ELOVL5: variants seen among roughly 807,000 people sequenced by gnomAD.
ELOVL5 encodes very long chain fatty acid elongase 5.
A neutral mutation model predicts 38.6 loss-of-function variants in ELOVL5; 8 were observed. That is an observed-to-expected ratio of 0.21 (90% CI 0.12 to 0.37). The LOEUF is 0.37. ELOVL5 is among the 10% of genes least tolerant of loss of function. The pLI is 1.00. For synonymous variants in ELOVL5, 127 were observed against 133.7 expected (o/e 0.95, Z 0.34); for missense variants, 280 against 367.8 (o/e 0.76, Z 1.95).
chr6:53,312,049 A>G (rs1429234609), intron 1 of ELOVL5, among the ~76,000 whole-genome samples: 3 of 152,316 alleles, frequency 2.0e-5, no homozygotes, highest in Admixed American at 1.3e-4. Flanking sequence ...TTGTAACAAA[A>G]ACTGAAAGGT....
chr6:53,291,682 C>T (rs1766779767), intron 3 of ELOVL5, 94 bp downstream of exon 3: 1 of 1,017,026 alleles, frequency 9.8e-7, no homozygotes, highest in Admixed American at 2.5e-5. Flanking sequence ...CTCTACACCC[C>T]AAGCGGCCAC....
chr6:53,317,452 T>C (rs914926697), intron 1 of ELOVL5, among the ~76,000 whole-genome samples: 5 of 152,172 alleles, frequency 3.3e-5, no homozygotes, highest in African/African-American at 1.2e-4. Flanking sequence ...CACCATGGAA[T>C]ACTATGCGGC....
At chr6:53,325,384 G>C (rs1768499572) in intron 1 of ELOVL5, among the ~76,000 whole-genome samples, 1 of 151,834 alleles carries the variant, frequency 6.6e-6, no homozygotes, top group Non-Finnish European at 1.5e-5. Context: ...TTTTAAAAAA[G>C]TGCCCGTATC....
chr6:53,306,838 A>G (rs1015096389), intron 1 of ELOVL5, among the ~76,000 whole-genome samples: 30 of 152,236 alleles, frequency 2.0e-4, no homozygotes, highest in African/African-American at 5.3e-4. Flanking sequence ...ATTTGGAAAA[A>G]GACAACGATA....
intron 1 of ELOVL5, among the ~76,000 whole-genome samples, chr6:53,334,610 T>TA (rs1768965995): frequency 6.6e-6 from 1 of 152,096 alleles, no homozygotes; most frequent in African/African-American, 2.4e-5. Context: ...AGAAAGGGTA[T>TA]AGAAAAGTTT....
chr6:53,271,498 C>T (rs1021061707), intron 6 of ELOVL5, among the ~76,000 whole-genome samples: 2 of 152,100 alleles, frequency 1.3e-5, no homozygotes, highest in Admixed American at 1.3e-4. Context: ...TGCAGCGAAC[C>T]GAGATCGCGC....
intron 1 of ELOVL5, 114 bp downstream of exon 1, chr6:53,348,703 C>T (rs1419472601): frequency 2.6e-6 from 1 of 383,406 alleles, no homozygotes; most frequent in African/African-American, 2.2e-5. Context: ...TTCTCGGCAC[C>T]AGGTCCGAGA....
chr6:53,323,855 T>C (rs1581980048), intron 1 of ELOVL5, among the ~76,000 whole-genome samples: 1 of 152,176 alleles, frequency 6.6e-6, no homozygotes, highest in African/African-American at 2.4e-5. Context: ...ATTACGGGCA[T>C]GGGCCACCGC....
chr6:53,294,523 C>G, intron 2 of ELOVL5: 1 of 1,537,254 alleles, frequency 6.5e-7, no homozygotes, highest in Non-Finnish European at 8.8e-7. Flanking sequence ...ATGACAAGAA[C>G]AAGGATCCTT....
At chr6:53,346,685 C>T (rs1256288987) in intron 1 of ELOVL5, among the ~76,000 whole-genome samples, 3 of 152,106 alleles carry the variant, frequency 2.0e-5, no homozygotes, top group East Asian at 1.9e-4. Flanking sequence ...CACTAACTAC[C>T]CACCTAGGCA....
chr6:53,299,046 AAATAGGGATAAACAT>A (rs1767140867), intron 1 of ELOVL5, among the ~76,000 whole-genome samples: 2 of 152,236 alleles, frequency 1.3e-5, no homozygotes, highest in Admixed American at 1.3e-4. Context: ...AGGATTGCCA[AAATAGGGATAAACAT>A]AAAGGAGCAT....
chr6:53,330,162 T>C (rs943946197), intron 1 of ELOVL5, among the ~76,000 whole-genome samples: 4 of 152,194 alleles, frequency 2.6e-5, no homozygotes, highest in Admixed American at 6.5e-5. Flanking sequence ...CTATTGCTCC[T>C]AGGCTACAAT....
rs757160862 is a variant in ELOVL5, at chr6:53,330,517, C to CTTTTTT, written c.-9+18294_-9+18299dup. On this transcript the variant is annotated intron_variant, in intron 1 of 7. Coordinates refer to ENST00000304434, the MANE Select transcript of ELOVL5 (RefSeq NM_021814.5). Reference sequence around the variant, plus strand: ...ATGGTAACATTTTTTTCTTTATAAACTTTTTTTTTTTTTTTTTTTTTTTTA... The same window carrying CTTTTTT: ...ATGGTAACATTTTTTTCTTTATAAACTTTTTTTTTTTTTTTTTTTTTTTTTTTTTTA... 2.3e-3 allele frequency among the ~76,000 whole-genome samples: 209 copies of CTTTTTT among 91,416 alleles called. 20 individuals carry two copies. Among genetic ancestry groups the CTTTTTT allele is most frequent in the East Asian group, 0.017 (45 of 2,668 alleles). 60.0% of individuals were successfully genotyped at this position (91,416 alleles called of 152,430 possible).
intron 1 of ELOVL5, among the ~76,000 whole-genome samples, chr6:53,348,232 GACGGAAGGTCCGCAGGGTTA>G (rs1769658689): frequency 6.6e-6 from 1 of 152,218 alleles, no homozygotes. Context: ...CCGAGGGGCG[GACGGAAGGTCCGCAGGGTTA>G]ACGGAAGCGG....
intron 1 of ELOVL5, among the ~76,000 whole-genome samples, chr6:53,312,409 A>G (rs992633993): frequency 2.6e-5 from 4 of 152,254 alleles, no homozygotes; most frequent in Non-Finnish European, 5.9e-5. Context: ...ATGAATCTCT[A>G]AAGAATTAAG....
At chr6:53,337,385 A>T (rs1769120648) in intron 1 of ELOVL5, 1 of 152,258 alleles carries the variant, frequency 6.6e-6, no homozygotes, top group African/African-American at 2.4e-5. Context: ...AGGCATAGGT[A>T]AGAGCTCCTC....
At chr6:53,319,298 A>T (rs1287240557) in intron 1 of ELOVL5, among the ~76,000 whole-genome samples, 1 of 139,510 alleles carries the variant, frequency 7.2e-6, no homozygotes, top group African/African-American at 2.8e-5. Flanking sequence ...AAAAAAAAAA[A>T]AAAAAAAAAA....
Position 53,289,489 on chromosome 6 carries a change from C to T in ELOVL5, c.246+2287G>A, listed in dbSNP as rs1218326276. 2.6e-5 allele frequency among the ~76,000 whole-genome samples: 4 copies of T among 152,122 alleles called. No individual in the cohort carries two copies. In the East Asian group the frequency reaches 5.8e-4, roughly 22 times the overall value. ...ATCCCTGCACTTTGGGAGGCCGAGG[C>T]GGGTGGATCACCTGAGGTCAGGAGT... On this transcript the variant is annotated intron_variant, in intron 3 of 7. Coordinates refer to ENST00000304434, the MANE Select transcript of ELOVL5 (RefSeq NM_021814.5).
intron 1 of ELOVL5, among the ~76,000 whole-genome samples, chr6:53,329,652 C>A (rs1008284209): frequency 6.6e-6 from 1 of 152,042 alleles, no homozygotes; most frequent in Non-Finnish European, 1.5e-5. Flanking sequence ...GGTGAAACCC[C>A]GTCTCTACTA....
Sources: gnomAD v4.1 joint callset for allele counts (sites outside exome capture counted in the v4.1 genomes callset) on GRCh38, gnomAD v4.1.1 for gene constraint, MANE v1.5 for transcripts, NCBI Gene and HGNC (gene_info 2026-07-23, HGNC 2026-07-21) for gene names.